SLC35F1: variants seen among roughly 807,000 people sequenced by gnomAD.
The protein encoded by SLC35F1 is chromosome 6 open reading frame 169.
A neutral mutation model predicts 48.7 loss-of-function variants in SLC35F1; 14 were observed. That is an observed-to-expected ratio of 0.29 (90% confidence interval 0.19 to 0.45). The LOEUF (loss-of-function observed/expected upper bound fraction) is 0.45. SLC35F1 is among the 20% of genes least tolerant of loss of function. SLC35F1 has a pLI of 1.00. For synonymous variants in SLC35F1, 190 were observed against 202.2 expected, an observed-to-expected ratio of 0.94 and a Z score of 0.51; for missense variants, 404 against 500.0, an observed-to-expected ratio of 0.81 and a Z score of 1.83.
At chr6:118,208,499 T>C (rs926237426) in intron 2 of SLC35F1, among the ~76,000 whole-genome samples, 5 of 152,234 alleles carry the variant, frequency 3.3e-5, no homozygotes, top group African/African-American at 1.2e-4. Flanking sequence ...ATAAATCTTT[T>C]TAAATTAAGA....
At position 117,923,694 on chromosome 6, in the gene SLC35F1, C is replaced by CATATACACATATACATATGT; in HGVS notation, c.173+15802_173+15803insCATATACATATGTATATACA. ...ATATATGTACATATATACATATGTA[C>CATATACACATATACATATGT]ATATACATATATGTACATATATACA... On this transcript the variant is annotated intron_variant, in intron 1 of 7. Coordinates refer to ENST00000360388, the MANE Select transcript of SLC35F1 (RefSeq NM_001029858.4). Among the ~76,000 whole-genome samples, 47 of 13,504 alleles carry CATATACACATATACATATGT rather than the reference C, an allele frequency of 3.5e-3. 14 individuals carry two copies. The highest frequency in any genetic ancestry group is 0.026 in the African/African-American group (38 of 1,486). 8.9% of individuals were successfully genotyped at this position (13,504 alleles called of 152,430 possible). A position where few individuals can be genotyped will look rare whatever the true frequency, so the allele number is the denominator to read the frequency against.
At chr6:117,963,244 G>A (rs1776520085) in intron 1 of SLC35F1, among the ~76,000 whole-genome samples, 1 of 152,050 alleles carries the variant, frequency 6.6e-6, no homozygotes, top group African/African-American at 2.4e-5. Context: ...ATATGATTGT[G>A]GTAAGGATTA....
intron 1 of SLC35F1, among the ~76,000 whole-genome samples, chr6:118,127,370 G>A (rs1562297786): frequency 6.6e-6 from 1 of 151,976 alleles, no homozygotes; most frequent in Non-Finnish European, 1.5e-5. Flanking sequence ...ATGTGCTGCT[G>A]GATTCGGTTT....
At chr6:118,100,846 G>A (rs1479347307) in intron 1 of SLC35F1, among the ~76,000 whole-genome samples, 2 of 152,178 alleles carry the variant, frequency 1.3e-5, no homozygotes, top group East Asian at 3.8e-4. Context: ...CACATGGTTG[G>A]TCTTTCTGTT....
intron 2 of SLC35F1, among the ~76,000 whole-genome samples, chr6:118,234,580 G>A (rs895919414): frequency 6.6e-5 from 10 of 152,168 alleles, no homozygotes; most frequent in Admixed American, 2.6e-4. Context: ...GAGACACTCA[G>A]TTAAGCTCTA....
At chr6:118,140,203 C>T (rs753277568) in intron 1 of SLC35F1, among the ~76,000 whole-genome samples, 25 of 152,140 alleles carry the variant, frequency 1.6e-4, no homozygotes, top group Non-Finnish European at 3.7e-4. Context: ...TGGATTTACC[C>T]AAATTTTGAC....
At chr6:118,047,515 G>A (rs756541502) in intron 1 of SLC35F1, among the ~76,000 whole-genome samples, 8 of 152,248 alleles carry the variant, frequency 5.3e-5, no homozygotes, top group Non-Finnish European at 8.8e-5. Flanking sequence ...AGTAATGTTG[G>A]TTGAGCAAAC....
intron 1 of SLC35F1, among the ~76,000 whole-genome samples, chr6:118,089,761 G>A (rs1371429424): frequency 2.0e-5 from 3 of 152,146 alleles, no homozygotes; most frequent in Non-Finnish European, 4.4e-5. Flanking sequence ...TTTGGATCTT[G>A]GGGACATTTG....
chr6:118,300,284 A>C (rs988840476), intron 7 of SLC35F1, among the ~76,000 whole-genome samples: 1 of 152,188 alleles, frequency 6.6e-6, no homozygotes, highest in African/African-American at 2.4e-5. Context: ...GCCGATTTAA[A>C]GTATACAGGA....
At chr6:118,296,858 A>G (rs1776192935) in intron 7 of SLC35F1, among the ~76,000 whole-genome samples, 1 of 152,234 alleles carries the variant, frequency 6.6e-6, no homozygotes, top group Admixed American at 6.5e-5. Flanking sequence ...TATTCACAAG[A>G]TTGAATGGCA....
chr6:118,208,052 C>G (rs1671820235), intron 2 of SLC35F1, among the ~76,000 whole-genome samples: 1 of 151,516 alleles, frequency 6.6e-6, no homozygotes, highest in African/African-American at 2.4e-5. Context: ...GGAAAGAGAG[C>G]CCCCCTCCTC....
chr6:118,000,389 A>G (rs1777073786), intron 1 of SLC35F1, among the ~76,000 whole-genome samples: 1 of 152,156 alleles, frequency 6.6e-6, no homozygotes, highest in Non-Finnish European at 1.5e-5. Context: ...CCTTTGACAA[A>G]ATTCAACAAC....
intron 1 of SLC35F1, among the ~76,000 whole-genome samples, chr6:118,034,003 A>G (rs1374069431): frequency 6.6e-6 from 1 of 152,182 alleles, no homozygotes; most frequent in East Asian, 1.9e-4. Flanking sequence ...AAATGGAGGG[A>G]AGAGGTCAGA....
intron 2 of SLC35F1, among the ~76,000 whole-genome samples, chr6:118,155,202 C>T (rs1200915512): frequency 2.0e-5 from 3 of 152,014 alleles, no homozygotes; most frequent in African/African-American, 7.2e-5. Context: ...TTTTAAGGGG[C>T]AGTTGCAGTT....
intron 3 of SLC35F1, among the ~76,000 whole-genome samples, chr6:118,250,623 C>A (rs2114602759): frequency 6.6e-6 from 1 of 152,290 alleles, no homozygotes. Flanking sequence ...AAACTGAACT[C>A]TGACAAGGGA....
chr6:118,244,951 T>C (rs985672752), intron 3 of SLC35F1, among the ~76,000 whole-genome samples: 1 of 152,256 alleles, frequency 6.6e-6, no homozygotes, highest in Non-Finnish European at 1.5e-5. Flanking sequence ...AAGTGACCTC[T>C]AGTAGTTTTA....
intron 1 of SLC35F1, among the ~76,000 whole-genome samples, chr6:117,962,572 G>T (rs924821614): frequency 6.6e-6 from 1 of 152,046 alleles, no homozygotes; most frequent in Non-Finnish European, 1.5e-5. Context: ...AGCAGATGCT[G>T]CTCTCTTTCT....
intron 1 of SLC35F1, among the ~76,000 whole-genome samples, chr6:118,075,576 G>A (rs1470904620): frequency 2.0e-5 from 3 of 152,168 alleles, no homozygotes; most frequent in African/African-American, 7.2e-5. Context: ...AGTACTTACA[G>A]CCCCATTTGT....
At chr6:117,992,033 G>T (rs989563903) in intron 1 of SLC35F1, among the ~76,000 whole-genome samples, 16 of 151,870 alleles carry the variant, frequency 1.1e-4, no homozygotes, top group African/African-American at 3.9e-4. Context: ...GATATAGAAA[G>T]ATTTAAATTA....
Sources: gnomAD v4.1 joint callset for allele counts (sites outside exome capture counted in the v4.1 genomes callset) on GRCh38, gnomAD v4.1.1 for gene constraint, MANE v1.5 for transcripts, NCBI Gene and HGNC (gene_info 2026-07-23, HGNC 2026-07-21) for gene names.